PARD3B: variants seen among roughly 807,000 people sequenced by gnomAD.
The protein encoded by PARD3B is par-3 family cell polarity regulator beta, also known as partitioning defective 3 homolog B.
A neutral mutation model predicts 130.2 loss-of-function variants in PARD3B; 103 were observed. That is an observed-to-expected ratio of 0.79 (90% CI 0.67 to 0.93). PARD3B has a LOEUF of 0.93. PARD3B is among the 40% of genes least tolerant of loss of function. PARD3B has a pLI of 0.00. For synonymous variants in PARD3B, 583 were observed against 553.2 expected, an observed-to-expected ratio of 1.05 and a Z score of -0.76; for missense variants, 1,609 against 1,499.2, an observed-to-expected ratio of 1.07 and a Z score of -1.21.
At chr2:205,006,582 A>C (rs1233119318) in intron 3 of PARD3B, among the ~76,000 whole-genome samples, 1 of 151,956 alleles carries the variant, frequency 6.6e-6, no homozygotes, top group Non-Finnish European at 1.5e-5. Context: ...GCATTTTTTC[A>C]TATGTTTATT....
intron 2 of PARD3B, among the ~76,000 whole-genome samples, chr2:204,712,429 GGT>G (rs1014454777): frequency 1.3e-5 from 2 of 151,860 alleles, no homozygotes; most frequent in African/African-American, 4.8e-5. Flanking sequence ...TGGCCAGTAT[GGT>G]GAAACCCCAT....
rs71410803 is a variant in PARD3B at position 205,169,928 on chromosome 2, AC to A, written c.1621-2280del. ...TCAGGGTGTTTTTGTTGTTCCCCCC[AC>A]CCTTTTTTTTTTTTTTTGGAGATGG... On this transcript the variant is annotated intron_variant, in intron 11 of 22. Transcript: ENST00000406610. Among the ~76,000 whole-genome samples the A allele has an allele frequency of 6.7e-3, 789 of 117,860 alleles. 14 individuals are homozygous for A. The highest frequency in any genetic ancestry group is 5.8e-3 in the Non-Finnish European group (323 of 55,474). 77.3% of individuals were successfully genotyped at this position (117,860 alleles called of 152,430 possible). A position where few individuals can be genotyped will look rare whatever the true frequency, so the allele number is the denominator to read the frequency against.
intron 2 of PARD3B, among the ~76,000 whole-genome samples, chr2:204,863,834 C>T (rs997602411): frequency 1.4e-4 from 22 of 152,182 alleles, no homozygotes; most frequent in Non-Finnish European, 1.8e-4. Flanking sequence ...TTCCCACAGA[C>T]ACCGATTTTC....
At position 205,381,070 on chromosome 2, in the gene PARD3B, T is replaced by C. The variant is rs1310290022; in HGVS notation, c.2631-19943T>C. ...TATATTATATATAAAGAATATATATTATATATATTATATATAAAGAATATA... is the reference window on the plus strand; with the variant it reads ...TATATTATATATAAAGAATATATATCATATATATTATATATAAAGAATATA... On this transcript the variant is annotated intron_variant, in intron 18 of 22. Coordinates refer to ENST00000406610, the MANE Select transcript of PARD3B (RefSeq NM_001302769.2). Among the ~76,000 whole-genome samples the C allele has an allele frequency of 6.1e-5, 2 of 32,594 alleles. 1 individual carries two copies. The highest frequency in any genetic ancestry group is 1.1e-4 in the Non-Finnish European group (2 of 18,250). 21.4% of individuals were successfully genotyped at this position (32,594 alleles called of 152,430 possible).
intron 2 of PARD3B, among the ~76,000 whole-genome samples, chr2:204,722,382 A>G (rs912396705): frequency 6.6e-6 from 1 of 152,156 alleles, no homozygotes; most frequent in Admixed American, 6.5e-5. Context: ...CTGGCTGACA[A>G]ATGCTTTGGC....
intron 2 of PARD3B, among the ~76,000 whole-genome samples, chr2:204,825,473 T>C (rs896448725): frequency 3.4e-4 from 52 of 152,204 alleles, no homozygotes; most frequent in African/African-American, 1.3e-3. Flanking sequence ...TATTTGTGCC[T>C]TGGGGATATA....
At chr2:204,797,174 CA>C (rs1162381095) in intron 2 of PARD3B, among the ~76,000 whole-genome samples, 2,322 of 53,020 alleles carry the variant, frequency 0.044, 9 homozygotes, top group African/African-American at 0.11. Context: ...GACTCTGTCT[CA>C]AAAAAAAAAA....
In PARD3B at chr2:205,436,517, ATTTTCT is replaced by A. The variant is rs146860203; in HGVS notation, c.2742-3849_2742-3844del. ...CTTACTATATGCAATAAGCTCTAAC[ATTTTCT>A]TTTACTGTATTTAAGTATGACCATT... On this transcript the variant is annotated intron_variant, in intron 19 of 22. Coordinates refer to ENST00000406610, the MANE Select transcript of PARD3B (RefSeq NM_001302769.2). 6.0e-3 allele frequency among the ~76,000 whole-genome samples: 915 copies of A among 152,038 alleles called. 5 individuals are homozygous for A. Among genetic ancestry groups the A allele is most frequent in the African/African-American group, 0.021 (884 of 41,486 alleles).
intron 2 of PARD3B, among the ~76,000 whole-genome samples, chr2:204,805,509 C>A (rs1170264493): frequency 1.3e-5 from 2 of 152,034 alleles, no homozygotes; most frequent in African/African-American, 2.4e-5. Flanking sequence ...ACCAGCCCTA[C>A]CCAAACTATT....
intron 2 of PARD3B, among the ~76,000 whole-genome samples, chr2:204,893,164 G>A (rs902838035): frequency 6.6e-6 from 1 of 152,104 alleles, no homozygotes; most frequent in African/African-American, 2.4e-5. Flanking sequence ...GCACCCAAAT[G>A]AAGAAAGTAT....
chr2:204,848,749 A>G (rs1410440018), intron 2 of PARD3B, among the ~76,000 whole-genome samples: 4 of 151,830 alleles, frequency 2.6e-5, no homozygotes, highest in Non-Finnish European at 5.9e-5. Flanking sequence ...CTGTATTCTT[A>G]AACTAAAAGC....
chr2:205,462,977 A>G (rs2048501783), intron 20 of PARD3B, among the ~76,000 whole-genome samples: 1 of 152,290 alleles, frequency 6.6e-6, no homozygotes, highest in Admixed American at 6.5e-5. Context: ...TTGTGCCCCT[A>G]TCTGACACCT....
intron 2 of PARD3B, among the ~76,000 whole-genome samples, chr2:204,704,917 A>C (rs934723239): frequency 6.7e-6 from 1 of 150,200 alleles, no homozygotes; most frequent in Non-Finnish European, 1.5e-5. Context: ...TCACCAGAGT[A>C]CTAATTGCTG....
intron 2 of PARD3B, among the ~76,000 whole-genome samples, chr2:204,726,736 A>T (rs2039246556): frequency 6.6e-6 from 1 of 152,090 alleles, no homozygotes; most frequent in Admixed American, 6.5e-5. Context: ...TTGCCTTTTC[A>T]ATTGCATTTC....
At position 205,419,074 on chromosome 2, in the gene PARD3B, C is replaced by T. The variant is rs762174226; in HGVS notation, c.2741+17951C>T. Among the ~76,000 whole-genome samples, 3 of 152,008 alleles carry T rather than the reference C, an allele frequency of 2.0e-5. No individual in the cohort carries two copies. The East Asian group carries it at 5.8e-4, about 29-fold the overall frequency. Reference sequence around the variant, plus strand: ...TGTAATATATATACATACAGTAATACAGCACTGATATGGTTTGGCTCTCTC... The same window carrying T: ...TGTAATATATATACATACAGTAATATAGCACTGATATGGTTTGGCTCTCTC... On this transcript the variant is annotated intron_variant, in intron 19 of 22. Coordinates refer to ENST00000406610, the MANE Select transcript of PARD3B (RefSeq NM_001302769.2).
At chr2:205,204,869 A>C (rs1039285600) in intron 15 of PARD3B, among the ~76,000 whole-genome samples, 5 of 152,078 alleles carry the variant, frequency 3.3e-5, no homozygotes, top group African/African-American at 1.2e-4. Flanking sequence ...GTATAGTTTG[A>C]AGTCAGGTAG....
At chr2:204,611,933 C>T (rs188677928) in intron 1 of PARD3B, among the ~76,000 whole-genome samples, 509 of 152,178 alleles carry the variant, frequency 3.3e-3, no homozygotes, top group South Asian at 0.018. Context: ...TGTTCAAAGC[C>T]TATTGACTTT....
Position 205,011,583 on chromosome 2 carries a change from A to C in PARD3B, c.395-35998A>C, listed in dbSNP as rs936495649. 1.3e-5 allele frequency among the ~76,000 whole-genome samples: 2 copies of C among 152,154 alleles called. No homozygotes were observed. The highest frequency in any genetic ancestry group is 4.8e-5 in the African/African-American group (2 of 41,432). ...GGTGCACTGTAGGAAGGAACTACAT[A>C]GTGTAAATCCAGGCAGTGGGGCTTG... On this transcript the variant is annotated intron_variant, in intron 3 of 22. Transcript: ENST00000406610. The surrounding 1 kb of genome is among the most constrained non-coding windows in gnomAD (Gnocchi z 4.1).
chr2:204,938,950 A>G (rs1189405988), intron 2 of PARD3B, among the ~76,000 whole-genome samples: 1 of 152,188 alleles, frequency 6.6e-6, no homozygotes, highest in African/African-American at 2.4e-5. Context: ...ATGATTTGTG[A>G]TACCCAGAAA....
Sources: allele counts gnomAD v4.1 joint callset (sites outside exome capture counted in the v4.1 genomes callset), GRCh38; gene constraint gnomAD v4.1.1; non-coding constraint Gnocchi (gnomAD v3.1); transcripts MANE v1.5; gene names NCBI Gene and HGNC (gene_info 2026-07-23, HGNC 2026-07-21).